ITGBL1: variants seen among roughly 807,000 people sequenced by gnomAD.
The protein encoded by ITGBL1 is integrin subunit beta like 1, also known as integrin beta-like protein 1.
Under a neutral mutation model 68.5 loss-of-function variants are expected in ITGBL1, and 51 were observed. The observed-to-expected ratio is 0.74, with a 90% CI of 0.59 to 0.94. The LOEUF (loss-of-function observed/expected upper bound fraction) is 0.94, where lower values mean the gene tolerates loss of function less well. Ranked by LOEUF, ITGBL1 falls within the 40% of genes least tolerant of loss-of-function variation. The probability of loss-of-function intolerance (pLI) is 0.00; values close to 1 mark genes in which losing one functional copy is unlikely to be tolerated. For synonymous variants in ITGBL1, 209 were observed against 227.3 expected, an observed-to-expected ratio of 0.92 and a Z score of 0.72; for missense variants, 649 against 647.4, an observed-to-expected ratio of 1.00 and a Z score of -0.03.
chr13:101,541,601 G>A (rs140098597), intron 2 of ITGBL1, among the ~76,000 whole-genome samples: 1,634 of 152,134 alleles, frequency 0.011, 26 homozygotes, highest in African/African-American at 0.037. Flanking sequence ...CTCTTTTTCT[G>A]TTGATTGGAA....
intron 8 of ITGBL1, among the ~76,000 whole-genome samples, chr13:101,702,863 G>A (rs1224478839): frequency 6.6e-6 from 1 of 152,180 alleles, no homozygotes; most frequent in Non-Finnish European, 1.5e-5. Context: ...GGTTTTCATG[G>A]AGAAGTAAAG....
At chr13:101,687,888 T>G (rs1369710676) in intron 7 of ITGBL1, among the ~76,000 whole-genome samples, 2 of 152,136 alleles carry the variant, frequency 1.3e-5, no homozygotes, top group Non-Finnish European at 2.9e-5. Flanking sequence ...TCTTTGGGTA[T>G]CTCTTTTTTT....
At chr13:101,577,840 A>G (rs1268023521) in intron 4 of ITGBL1, among the ~76,000 whole-genome samples, 1 of 152,156 alleles carries the variant, frequency 6.6e-6, no homozygotes, top group Non-Finnish European at 1.5e-5. Context: ...CATAAATAAG[A>G]TATATAGATG....
At chr13:101,634,881 GTT>G (rs2032113178) in intron 7 of ITGBL1, among the ~76,000 whole-genome samples, 1 of 151,706 alleles carries the variant, frequency 6.6e-6, no homozygotes, top group Admixed American at 6.6e-5. Flanking sequence ...AGGAACCAAT[GTT>G]TTATCTAAGA....
intron 2 of ITGBL1, among the ~76,000 whole-genome samples, chr13:101,527,879 C>G (rs1413653749): frequency 6.6e-6 from 1 of 151,920 alleles, no homozygotes; most frequent in Non-Finnish European, 1.5e-5. Flanking sequence ...TTTGTCTTCT[C>G]ATTACTCAGA....
At chr13:101,714,401 A>G (rs770623266) in intron 9 of ITGBL1, 37 bp from the exon 10 acceptor site, 11 of 1,143,038 alleles carry the variant, frequency 9.6e-6, no homozygotes, top group African/African-American at 1.5e-5. Flanking sequence ...ACCTTTAGTT[A>G]TAAGGTGATG....
chr13:101,497,451 C>CCGTA (rs2048872979), intron 2 of ITGBL1, among the ~76,000 whole-genome samples: 1 of 152,156 alleles, frequency 6.6e-6, no homozygotes, highest in Admixed American at 6.5e-5. Context: ...ACCCCACAGT[C>CCGTA]CGTATGCCAT....
chr13:101,675,007 T>C (rs2033466460), intron 7 of ITGBL1, among the ~76,000 whole-genome samples: 1 of 152,190 alleles, frequency 6.6e-6, no homozygotes, highest in Non-Finnish European at 1.5e-5. Flanking sequence ...TCTGTTAGTA[T>C]CTGTTTGTCT....
chr13:101,620,208 G>T (rs2031530250), intron 7 of ITGBL1, among the ~76,000 whole-genome samples: 1 of 152,076 alleles, frequency 6.6e-6, no homozygotes, highest in Non-Finnish European at 1.5e-5. Context: ...ACGTAGATAA[G>T]TAGATTCACA....
chr13:101,575,460 C>T lies in ITGBL1; in HGVS notation c.500C>T (p.Ser167Leu), dbSNP rs1320081309. 2 of 1,612,868 alleles carry T rather than the reference C, an allele frequency of 1.2e-6. No homozygotes were observed. Among genetic ancestry groups the T allele is most frequent in the Non-Finnish European group, 1.7e-6 (2 of 1,179,146 alleles). Reference protein sequence around the residue: ...CHCGRCKCDNSDGSGLVYGKF... With the variant: ...CHCGRCKCDNLDGSGLVYGKF... The stretch of plus-strand genomic sequence containing the variant: ...TGTGGCAGGTGTAAGTGTGATAATT[C>T]AGATGGAAGTGGACTTGTGTATGGT... The change falls in exon 4 of 11, where the codon TCA becomes TTA. Residue 167 changes from serine (S) to leucine (L), a missense_variant. By Grantham distance (145) the Ser-to-Leu change is moderately radical. Coordinates refer to ENST00000376180, the MANE Select transcript of ITGBL1 (RefSeq NM_004791.3).
At chr13:101,555,231 A>G (rs1308408479) in intron 2 of ITGBL1, among the ~76,000 whole-genome samples, 1 of 152,228 alleles carries the variant, frequency 6.6e-6, no homozygotes, top group Non-Finnish European at 1.5e-5. Context: ...TTACACATCA[A>G]AAGTGAAACT....
At chr13:101,589,710 G>C (rs2050618687) in intron 6 of ITGBL1, among the ~76,000 whole-genome samples, 2 of 152,174 alleles carry the variant, frequency 1.3e-5, no homozygotes, top group African/African-American at 4.8e-5. Context: ...ATTGGCTGCA[G>C]GTGTGTTATT....
chr13:101,685,019 T>A (rs2033724087), intron 7 of ITGBL1, among the ~76,000 whole-genome samples: 2 of 152,118 alleles, frequency 1.3e-5, no homozygotes, highest in Admixed American at 1.3e-4. Context: ...GTTATGACAT[T>A]TCTCCACTTA....
chr13:101,545,390 C>A (rs998739638), intron 2 of ITGBL1, among the ~76,000 whole-genome samples: 7 of 152,002 alleles, frequency 4.6e-5, no homozygotes, highest in Non-Finnish European at 1.0e-4. Context: ...GAAAAGTAAT[C>A]AAGTGTTACA....
chr13:101,706,619 C>T, intron 8 of ITGBL1, 137 bp from the exon 9 acceptor site: 1 of 801,970 alleles, frequency 1.2e-6, no homozygotes, highest in Admixed American at 3.2e-5. Context: ...AATTACATGC[C>T]AAATTGACTA....
intron 8 of ITGBL1, among the ~76,000 whole-genome samples, chr13:101,705,321 A>AC (rs1348689910): frequency 3.9e-4 from 59 of 150,752 alleles, no homozygotes; most frequent in African/African-American, 1.3e-3. Context: ...AACAACAACA[A>AC]AAAAAAATAG....
intron 2 of ITGBL1, among the ~76,000 whole-genome samples, chr13:101,493,798 A>G (rs1170606282): frequency 3.9e-5 from 6 of 152,226 alleles, no homozygotes; most frequent in South Asian, 2.1e-4. Flanking sequence ...CTAAGAGCCT[A>G]TCTGATGTTT....
intron 2 of ITGBL1, among the ~76,000 whole-genome samples, chr13:101,500,111 A>G (rs925029307): frequency 6.6e-6 from 1 of 152,234 alleles, no homozygotes; most frequent in Admixed American, 6.5e-5. Flanking sequence ...ATAACACCTA[A>G]GGATAAAGAC....
intron 2 of ITGBL1, among the ~76,000 whole-genome samples, chr13:101,523,475 G>T (rs564858004): frequency 6.6e-6 from 1 of 152,084 alleles, no homozygotes; most frequent in East Asian, 1.9e-4. Context: ...CTATCTACAT[G>T]GCATGTTTTG....
Sources: gnomAD v4.1 joint callset for allele counts (sites outside exome capture counted in the v4.1 genomes callset) on GRCh38, gnomAD v4.1.1 for gene constraint, MANE v1.5 for transcripts, NCBI Gene and HGNC (gene_info 2026-07-23, HGNC 2026-07-21) for gene names.